TASP1: variants seen among roughly 807,000 people sequenced by gnomAD.
The protein encoded by TASP1 is taspase 1, also known as threonine aspartase 1.
Under a neutral mutation model 56.6 loss-of-function variants are expected in TASP1, and 16 were observed. The observed-to-expected ratio is 0.28, with a 90% CI of 0.19 to 0.43. TASP1 has a LOEUF of 0.43. Among genes scored for constraint, TASP1 ranks in the 20% least tolerant of loss-of-function variants. TASP1 has a pLI of 1.00. For missense variants in TASP1, 393 were observed against 511.6 expected, an observed-to-expected ratio of 0.77 and a Z score of 2.24; for synonymous variants, 179 against 184.2, an observed-to-expected ratio of 0.97 and a Z score of 0.23.
chr20:13,498,628 G>A (rs187943700), intron 10 of TASP1, among the ~76,000 whole-genome samples: 2 of 151,760 alleles, frequency 1.3e-5, no homozygotes, highest in East Asian at 3.9e-4. Context: ...ATAGGCGTGG[G>A]CCACCATGCC....
chr20:13,541,322 T>C (rs920344955), intron 8 of TASP1, among the ~76,000 whole-genome samples: 1 of 152,150 alleles, frequency 6.6e-6, no homozygotes, highest in African/African-American at 2.4e-5. Flanking sequence ...GAAAAGCAAC[T>C]ATAAACTTAC....
At chr20:13,526,146 T>TA (rs958101092) in intron 10 of TASP1, among the ~76,000 whole-genome samples, 4 of 152,134 alleles carry the variant, frequency 2.6e-5, no homozygotes, top group African/African-American at 9.7e-5. Flanking sequence ...AATTTTAAAA[T>TA]AAGGGTAGGG....
the TASP1 span, among the ~76,000 whole-genome samples, chr20:13,274,407 A>G: frequency 6.6e-6 from 1 of 152,110 alleles, no homozygotes; most frequent in Non-Finnish European, 1.5e-5. Context: ...GCCCTTCAGT[A>G]GGTCAGCTTC....
chr20:13,483,880 A>C (rs922102507), intron 10 of TASP1, among the ~76,000 whole-genome samples: 1 of 152,194 alleles, frequency 6.6e-6, no homozygotes, highest in Non-Finnish European at 1.5e-5. Context: ...CAACCTACAG[A>C]ATGGGAGAAA....
intron 13 of TASP1, among the ~76,000 whole-genome samples, chr20:13,394,421 T>C (rs1424950121): frequency 5.3e-5 from 8 of 150,726 alleles, no homozygotes; most frequent in Non-Finnish European, 1.2e-4. Context: ...CCATCCTGGC[T>C]AACATGGTGA....
chr20:13,586,197 C>T (rs1342135345), intron 5 of TASP1, among the ~76,000 whole-genome samples: 1 of 99,920 alleles, frequency 1.0e-5, no homozygotes, highest in Non-Finnish European at 2.1e-5. Context: ...AAAAAAAAAA[C>T]AGAAGTACAT....
the TASP1 span, among the ~76,000 whole-genome samples, chr20:13,172,215 A>G: frequency 6.6e-6 from 1 of 152,160 alleles, no homozygotes; most frequent in East Asian, 1.9e-4. Flanking sequence ...GAATATAAAA[A>G]GATTTTTATC....
At chr20:13,492,480 A>G (rs1343554254) in intron 10 of TASP1, among the ~76,000 whole-genome samples, 1 of 152,180 alleles carries the variant, frequency 6.6e-6, no homozygotes, top group African/African-American at 2.4e-5. Context: ...CTGTCTTGTG[A>G]AATTAAAGAG....
chr20:13,116,314 A>T, the TASP1 span, among the ~76,000 whole-genome samples: 1 of 152,238 alleles, frequency 6.6e-6, no homozygotes, highest in Non-Finnish European at 1.5e-5. Flanking sequence ...GAACTAACCT[A>T]AACGGTTGTT....
At chr20:13,193,231 T>G in the TASP1 span, among the ~76,000 whole-genome samples, 6 of 152,124 alleles carry the variant, frequency 3.9e-5, no homozygotes, top group African/African-American at 1.4e-4. Context: ...ATTACAAACA[T>G]GACAGCTGTT....
chr20:13,205,595 G>A, the TASP1 span, among the ~76,000 whole-genome samples: 12 of 152,318 alleles, frequency 7.9e-5, no homozygotes, highest in African/African-American at 2.9e-4. Flanking sequence ...GGACAGCAGA[G>A]AGAGGAGGCA....
At chr20:13,179,159 C>T in the TASP1 span, among the ~76,000 whole-genome samples, 4 of 151,918 alleles carry the variant, frequency 2.6e-5, no homozygotes, top group Non-Finnish European at 2.9e-5. Context: ...ACATTGTTTC[C>T]GAAATCTAAA....
chr20:13,194,567 GTGTGTGTGTGTGTGTGTGTA>G, the TASP1 span, among the ~76,000 whole-genome samples: 6 of 150,352 alleles, frequency 4.0e-5, no homozygotes, highest in African/African-American at 1.5e-4. Context: ...GTGTGTGTGT[GTGTGTGTGTGTGTGTGTGTA>G]TGTGTGTTTC....
At chr20:13,519,648 A>G (rs1029029857) in intron 10 of TASP1, among the ~76,000 whole-genome samples, 3 of 152,162 alleles carry the variant, frequency 2.0e-5, no homozygotes, top group Non-Finnish European at 4.4e-5. Flanking sequence ...ATCTATGACA[A>G]ACCCACAGCC....
chr20:13,388,299 C>T (rs6109850), downstream of TASP1, among the ~76,000 whole-genome samples: 16,708 of 151,852 alleles, frequency 0.11, 2,042 homozygotes, highest in African/African-American at 0.31. Context: ...CTTTAATATC[C>T]GATCTGATAA....
chr20:13,558,910 T>C, intron 8 of TASP1, 98 bp downstream of exon 8: 1 of 667,428 alleles, frequency 1.5e-6, no homozygotes, highest in Non-Finnish European at 2.3e-6. Flanking sequence ...TGACACACAT[T>C]CTATTTCTAC....
At chr20:13,373,369 A>T in the TASP1 span, among the ~76,000 whole-genome samples, 6 of 151,246 alleles carry the variant, frequency 4.0e-5, no homozygotes, top group Admixed American at 2.0e-4. Context: ...TATGGACTCA[A>T]TTTCCATCTG....
intron 1 of TASP1, among the ~76,000 whole-genome samples, chr20:13,631,463 T>C (rs2049085274): frequency 6.6e-6 from 1 of 152,228 alleles, no homozygotes; most frequent in Non-Finnish European, 1.5e-5. Flanking sequence ...TCTCACAATA[T>C]TTCTCTGAAA....
At chr20:13,433,422 A>T (rs1159061563) in intron 12 of TASP1, among the ~76,000 whole-genome samples, 1 of 151,170 alleles carries the variant, frequency 6.6e-6, no homozygotes. Context: ...GAAGAAAACT[A>T]GTATTTGTCT....
Sources: gnomAD v4.1 joint callset for allele counts (sites outside exome capture counted in the v4.1 genomes callset) on GRCh38, gnomAD v4.1.1 for gene constraint, MANE v1.5 for transcripts, NCBI Gene and HGNC (gene_info 2026-07-23, HGNC 2026-07-21) for gene names.